Variants in RNLS observed in about 807,000 individuals in gnomAD.
The protein encoded by RNLS is renalase, FAD dependent amine oxidase.
Under a neutral mutation model 39.8 loss-of-function variants are expected in RNLS, and 39 were observed. The ratio of observed to expected loss-of-function variants is 0.98; its 90% CI spans 0.76 to 1.28. The LOEUF is 1.28. RNLS is among the 50% of genes most tolerant of loss of function. The pLI is 0.00. For missense variants in RNLS, 410 were observed against 413.3 expected, an observed-to-expected ratio of 0.99 and a Z score of 0.07; for synonymous variants, 147 against 150.7, an observed-to-expected ratio of 0.98 and a Z score of 0.18.
intron 4 of RNLS, among the ~76,000 whole-genome samples, chr10:88,533,705 T>C (rs1259123521): frequency 1.3e-5 from 2 of 152,002 alleles, no homozygotes; most frequent in East Asian, 1.9e-4. Flanking sequence ...AAGCAGGGGA[T>C]TCTGACAGAC....
intron 4 of RNLS, among the ~76,000 whole-genome samples, chr10:88,401,537 G>A (rs956709506): frequency 5.3e-5 from 8 of 151,984 alleles, no homozygotes; most frequent in African/African-American, 1.9e-4. Context: ...TTGCCCAAGT[G>A]TTAGAATTAT....
At chr10:88,430,821 A>G (rs1855093263) in intron 4 of RNLS, among the ~76,000 whole-genome samples, 1 of 151,758 alleles carries the variant, frequency 6.6e-6, no homozygotes, top group African/African-American at 2.4e-5. Context: ...CAAACCTTCC[A>G]TTTATGGGAT....
chr10:88,381,542 A>ATTCTT (rs1257193434), intron 4 of RNLS, among the ~76,000 whole-genome samples: 1 of 151,876 alleles, frequency 6.6e-6, no homozygotes, highest in Non-Finnish European at 1.5e-5. Context: ...CTTTTAAAAA[A>ATTCTT]TTCTTTTATT....
At chr10:88,314,013 C>A (rs1845570174) in intron 6 of RNLS, among the ~76,000 whole-genome samples, 1 of 152,112 alleles carries the variant, frequency 6.6e-6, no homozygotes, top group African/African-American at 2.4e-5. Flanking sequence ...TGGCAGCAGT[C>A]AAAACCAAAG....
chr10:88,522,481 G>A (rs1283418739), intron 4 of RNLS, among the ~76,000 whole-genome samples: 1 of 152,024 alleles, frequency 6.6e-6, no homozygotes, highest in Admixed American at 6.6e-5. Context: ...GAAAACTTGA[G>A]CTCCTGTGAA....
chr10:88,274,983 A>G (rs1842758275), exon 7 of RNLS: 1 of 1,613,280 alleles, frequency 6.2e-7, no homozygotes. Flanking sequence ...TCCAATCGCC[A>G]TCATCCAGGG....
chr10:88,527,355 T>G (rs961725408), intron 4 of RNLS, among the ~76,000 whole-genome samples: 3 of 152,128 alleles, frequency 2.0e-5, no homozygotes, highest in African/African-American at 4.8e-5. Context: ...CTCACATAGT[T>G]TCTCCAGTTT....
intron 4 of RNLS, among the ~76,000 whole-genome samples, chr10:88,366,038 C>A (rs181521923): frequency 6.6e-6 from 1 of 152,200 alleles, no homozygotes; most frequent in African/African-American, 2.4e-5. Context: ...GGCTGTAAAG[C>A]AGAAAGATAA....
Position 88,376,511 on chromosome 10 carries a change from A to G in RNLS, c.527-13786T>C, listed in dbSNP as rs139166569. On this transcript the variant is annotated intron_variant, in intron 4 of 6. Coordinates refer to ENST00000331772, the MANE Select transcript of RNLS (RefSeq NM_001031709.3). ...TGTTTGTATTGCATTAGCAATTGCAAATGAATATTATTCTCTTGCAAGTGT... is the reference window on the plus strand; with the variant it reads ...TGTTTGTATTGCATTAGCAATTGCAGATGAATATTATTCTCTTGCAAGTGT... Among the ~76,000 whole-genome samples, 32 of 152,312 alleles carry G rather than the reference A, an allele frequency of 2.1e-4. No individual in the cohort carries two copies. In the East Asian group the frequency reaches 5.6e-3, roughly 27 times the overall value.
chr10:88,431,879 C>T (rs1020815324), intron 4 of RNLS, among the ~76,000 whole-genome samples: 7 of 151,308 alleles, frequency 4.6e-5, no homozygotes, highest in African/African-American at 1.7e-4. Flanking sequence ...TCTTTATGGC[C>T]CAGGATATTG....
the RNLS span, among the ~76,000 whole-genome samples, chr10:88,252,044 G>A: frequency 2.0e-5 from 3 of 152,142 alleles, no homozygotes; most frequent in African/African-American, 7.2e-5. Flanking sequence ...TACTTGGTCT[G>A]GGAAGAGATA....
At chr10:88,399,450 G>A (rs1589728412) in intron 4 of RNLS, among the ~76,000 whole-genome samples, 4 of 152,008 alleles carry the variant, frequency 2.6e-5, no homozygotes, top group African/African-American at 9.7e-5. Flanking sequence ...ATATTATGCA[G>A]TCAGAAGAAG....
intron 6 of RNLS, among the ~76,000 whole-genome samples, chr10:88,300,976 T>C (rs1231545159): frequency 6.6e-6 from 1 of 152,192 alleles, no homozygotes; most frequent in African/African-American, 2.4e-5. Context: ...CAATTTTAAG[T>C]ATTAATGCTG....
At chr10:88,350,843 C>T (rs921834911) in intron 5 of RNLS, among the ~76,000 whole-genome samples, 3 of 152,178 alleles carry the variant, frequency 2.0e-5, no homozygotes, top group African/African-American at 7.2e-5. Flanking sequence ...TTTACAGTCC[C>T]ACCAACAGTG....
At chr10:88,431,009 G>A (rs1175659260) in intron 4 of RNLS, among the ~76,000 whole-genome samples, 1 of 151,504 alleles carries the variant, frequency 6.6e-6, no homozygotes, top group Non-Finnish European at 1.5e-5. Context: ...GGAAAGTATT[G>A]CCTCTAGTAC....
At chr10:88,345,642 A>G (rs1848252710) in intron 5 of RNLS, among the ~76,000 whole-genome samples, 1 of 152,158 alleles carries the variant, frequency 6.6e-6, no homozygotes, top group South Asian at 2.1e-4. Context: ...TTTACTATGC[A>G]CCTATGTGCC....
At chr10:88,286,014 C>T (rs999661731) in intron 6 of RNLS, among the ~76,000 whole-genome samples, 4 of 152,090 alleles carry the variant, frequency 2.6e-5, no homozygotes, top group African/African-American at 9.7e-5. Context: ...TGAGGGCTCT[C>T]ACCAGACACT....
the RNLS span, among the ~76,000 whole-genome samples, chr10:88,267,013 C>T: frequency 6.6e-6 from 1 of 152,212 alleles, no homozygotes; most frequent in Non-Finnish European, 1.5e-5. Flanking sequence ...CTCCTTCCCT[C>T]CTTCTTTGTC....
At chr10:88,405,889 C>A (rs1255407921) in intron 4 of RNLS, among the ~76,000 whole-genome samples, 1 of 152,008 alleles carries the variant, frequency 6.6e-6, no homozygotes, top group Non-Finnish European at 1.5e-5. Flanking sequence ...TTTAGAGCTC[C>A]TTTTAGCAGT....
Sources: allele counts gnomAD v4.1 joint callset (sites outside exome capture counted in the v4.1 genomes callset), GRCh38; gene constraint gnomAD v4.1.1; transcripts MANE v1.5; gene names NCBI Gene and HGNC (gene_info 2026-07-23, HGNC 2026-07-21).